The following TNN variants were observed in gnomAD, a reference collection of about 807,000 sequenced individuals.
The protein encoded by TNN is tenascin-N.
In TNN, 122 loss-of-function variants were observed where a neutral mutation model predicts 134.4. The observed-to-expected ratio is 0.91, with a 90% CI of 0.78 to 1.06. The LOEUF (loss-of-function observed/expected upper bound fraction) is 1.06. Among genes scored for constraint, TNN ranks in the 50% least tolerant of loss-of-function variants. The pLI, the probability that TNN is intolerant of heterozygous loss-of-function variation, is 0.00. For synonymous variants in TNN, 710 were observed against 670.3 expected (o/e 1.06, Z -0.91); for missense variants, 1,739 against 1,699.4 (o/e 1.02, Z -0.41).
Position 175,144,490 on chromosome 1 carries a change from G to T in TNN, c.3699G>T (p.Trp1233Cys), listed in dbSNP as rs777499626. 5 of 1,614,132 alleles carry T rather than the reference G, an allele frequency of 3.1e-6. No homozygotes were observed. In the South Asian group the frequency reaches 4.4e-5, roughly 14 times the overall value. ...NCALTHHGGWWYKNCHLANPN... is the reference protein window; with the variant it reads ...NCALTHHGGWCYKNCHLANPN... ...CCCTGACACATCATGGTGGCTGGTG[G>T]TATAAGAACTGCCACTTGGCCAACC... The change falls in exon 18 of 19, where the codon TGG becomes TGT. Residue 1233 changes from tryptophan to cysteine, a missense_variant. Coordinates refer to ENST00000239462, the MANE Select transcript of TNN (RefSeq NM_022093.2).
chr1:175,079,288 G>A (rs756385197), intron 2 of TNN, 45 bp from the exon 3 acceptor site: 24 of 1,505,714 alleles, frequency 1.6e-5, no homozygotes, highest in South Asian at 2.5e-5. Context: ...AGATCCCCAC[G>A]CACAACCCTT....
At position 175,079,607 on chromosome 1, in the gene TNN, C is replaced by A. The variant is rs1674144461; in HGVS notation, c.684C>A (p.Cys228Ter). ...QCHEDFMSED[C>*]SEKRCPGDCS... ...ACGAAGACTTCATGTCGGAGGACTG[C>A]AGCGAGAAGCGCTGTCCCGGCGACT... The change falls in exon 3 of 19, where the codon TGC (cysteine) becomes TGA (stop). Residue 228 changes from cysteine to a stop codon, truncating the protein, a stop_gained. Coordinates refer to ENST00000239462, the MANE Select transcript of TNN (RefSeq NM_022093.2). LOFTEE classifies it high-confidence loss of function. 6 of 1,598,132 alleles carry A rather than the reference C, an allele frequency of 3.8e-6. No homozygotes were observed. In the South Asian group the frequency reaches 4.5e-5, roughly 12 times the overall value.
chr1:175,071,598 GT>G (rs1035124502), intron 1 of TNN, among the ~76,000 whole-genome samples: 3 of 152,008 alleles, frequency 2.0e-5, no homozygotes, highest in African/African-American at 4.8e-5. Context: ...GACATCTGGT[GT>G]TTTTTTTGTT....
intron 9 of TNN, among the ~76,000 whole-genome samples, chr1:175,099,901 C>T (rs543541598): frequency 6.6e-6 from 1 of 152,134 alleles, no homozygotes; most frequent in South Asian, 2.1e-4. Flanking sequence ...GCCAATACAT[C>T]AGGGGTTCCC....
intron 9 of TNN, among the ~76,000 whole-genome samples, chr1:175,115,462 G>A (rs536547257): frequency 6.6e-6 from 1 of 152,310 alleles, no homozygotes; most frequent in African/African-American, 2.4e-5. Flanking sequence ...TTCAGCTCTG[G>A]AATGAGTGGG....
intron 15 of TNN, among the ~76,000 whole-genome samples, chr1:175,130,306 A>T (rs1410988462): frequency 6.6e-6 from 1 of 152,264 alleles, no homozygotes; most frequent in African/African-American, 2.4e-5. Context: ...TCTGATGAGC[A>T]GCAATGAAGA....
At chr1:175,103,808 C>G (rs886302643) in intron 9 of TNN, among the ~76,000 whole-genome samples, 1 of 144,838 alleles carries the variant, frequency 6.9e-6, no homozygotes, top group African/African-American at 2.5e-5. Flanking sequence ...CTACCTCTGC[C>G]AGCCGCTTAT....
chr1:175,095,638 A>G (rs1366292377), intron 7 of TNN, among the ~76,000 whole-genome samples: 1 of 152,210 alleles, frequency 6.6e-6, no homozygotes, highest in Non-Finnish European at 1.5e-5. Context: ...CAATGGCGCA[A>G]TCTGGGCTCA....
chr1:175,091,780 C>T lies in TNN; in HGVS notation c.1325-2210C>T, dbSNP rs10912884. ...ATTTTTTGTGTTTTTAGTAGAGACA[C>T]GGTTTTGCCATGTTGGCCAGGCTAG... On this transcript the variant is annotated intron_variant, in intron 6 of 18. Transcript: ENST00000239462. Among the ~76,000 whole-genome samples the T allele has an allele frequency of 3.3e-5, 5 of 151,724 alleles. No homozygotes were observed. The East Asian group carries it at 5.8e-4, about 18-fold the overall frequency.
intron 1 of TNN, among the ~76,000 whole-genome samples, chr1:175,068,351 A>G (rs1483942506): frequency 6.6e-6 from 1 of 151,260 alleles, no homozygotes; most frequent in African/African-American, 2.4e-5. Context: ...GTATTGTTGT[A>G]TTTCATTATT....
Position 175,079,477 on chromosome 1 carries a change from G to A in TNN, c.554G>A (p.Arg185His), listed in dbSNP as rs1304213993. 5 of 1,562,472 alleles carry A rather than the reference G, an allele frequency of 3.2e-6. No individual in the cohort carries two copies. The highest frequency in any genetic ancestry group is 3.8e-5 in the Admixed American group (2 of 53,188). Reference sequence around the variant, plus strand: ...GGCCACGGGCGTTGCGTGGACGGGCGCTGCCTGTGCCATGAGCCCTACGTG... The same window carrying A: ...GGCCACGGGCGTTGCGTGGACGGGCACTGCCTGTGCCATGAGCCCTACGTG... The part of the protein sequence containing the change: ...CSGHGRCVDG[R>H]CLCHEPYVGA... Residue 185 changes from arginine to histidine, a missense_variant, in exon 3 of 19, where the codon CGC becomes CAC. Arg to His is a conservative substitution (Grantham distance 29). Transcript: ENST00000239462.
rs533670263 is a variant in TNN at position 175,075,749 on chromosome 1, C to T, written c.-35-1635C>T. ...CTGTTCACATCTAAGAGGGGTGACG[C>T]GCTGTCATTCCCACGTTACAGACAA... On this transcript the variant is annotated intron_variant, in intron 1 of 18. Transcript: ENST00000239462. Among the ~76,000 whole-genome samples, 16 of 152,278 alleles carry T rather than the reference C, an allele frequency of 1.1e-4. No individual in the cohort carries two copies. In the South Asian group the frequency reaches 3.1e-3, roughly 30 times the overall value.
intron 6 of TNN, among the ~76,000 whole-genome samples, chr1:175,090,433 A>G (rs1468943213): frequency 7.5e-6 from 1 of 133,022 alleles, no homozygotes; most frequent in East Asian, 2.1e-4. Context: ...CTTCAAATCA[A>G]TGACACAGGT....
At chr1:175,123,703 A>T (rs747902443) in intron 12 of TNN, 40 bp downstream of exon 12, 3 of 1,609,000 alleles carry the variant, frequency 1.9e-6, no homozygotes, top group Non-Finnish European at 2.5e-6. Context: ...CCTCACACTT[A>T]TCAGGAGAGA....
At position 175,147,061 on chromosome 1, in the gene TNN, G is replaced by A. The variant is rs758620541; in HGVS notation, c.3890G>A (p.Arg1297Gln). 5.1e-6 allele frequency: 8 copies of A among 1,580,454 alleles called. No individual in the cohort carries two copies. The highest frequency in any genetic ancestry group is 4.6e-5 in the South Asian group (4 of 86,784). Residue 1297 changes from arginine (R) to glutamine (Q), a missense_variant, in exon 19 of 19, where the codon CGA (arginine) becomes CAA (glutamine). Coordinates refer to ENST00000239462, the MANE Select transcript of TNN (RefSeq NM_022093.2). ...RKKRTLRGRL[R>Q]TF ...AAGCGGACGCTGAGAGGAAGGCTGCGAACGTTCTGATGGCCCGTGTGAGCA... is the reference window on the plus strand; with the variant it reads ...AAGCGGACGCTGAGAGGAAGGCTGCAAACGTTCTGATGGCCCGTGTGAGCA...
At chr1:175,097,813 A>G (rs907867662) in intron 8 of TNN, 130 bp downstream of exon 8, 23 of 1,311,492 alleles carry the variant, frequency 1.8e-5, no homozygotes, top group Admixed American at 2.6e-5. Context: ...AGAAAGACTG[A>G]GCTCTCGTGG....
rs373267722 is a variant in TNN, at chr1:175,116,972, G to A, written c.2153G>A (p.Arg718Gln). Residue 718 changes from arginine to glutamine, a missense_variant, in exon 10 of 19, where the codon CGG (arginine) becomes CAG (glutamine). Physicochemically the swap from Arg to Gln is conservative, Grantham distance 43. Coordinates refer to ENST00000239462, the MANE Select transcript of TNN (RefSeq NM_022093.2). ...IDSPQNLVTD[R>Q]VTENMATVSW... The stretch of plus-strand genomic sequence containing the variant: ...AGCCCCCAAAACCTGGTGACCGACC[G>A]GGTGACAGAGAATATGGCCACTGTC... 1.3e-5 allele frequency: 21 copies of A among 1,614,032 alleles called. No homozygotes were observed. The highest frequency in any genetic ancestry group is 1.6e-4 in the Middle Eastern group (1 of 6,084).
intron 1 of TNN, 138 bp from the exon 2 acceptor site, chr1:175,077,246 T>C: frequency 2.8e-6 from 2 of 708,026 alleles, no homozygotes. Context: ...GTAATTTGGT[T>C]CGGATCCTTG....
intron 18 of TNN, among the ~76,000 whole-genome samples, chr1:175,145,700 G>A (rs554348227): frequency 1.4e-4 from 22 of 151,764 alleles, no homozygotes; most frequent in Non-Finnish European, 4.4e-5. Context: ...TCCACATTGG[G>A]AGTGTGCGCC....
Sources: gnomAD v4.1 joint callset for allele counts (sites outside exome capture counted in the v4.1 genomes callset) on GRCh38, gnomAD v4.1.1 for gene constraint, MANE v1.5 for transcripts, NCBI Gene and HGNC (gene_info 2026-07-23, HGNC 2026-07-21) for gene names.